FAM91A1: variants seen among roughly 807,000 people sequenced by gnomAD.
FAM91A1 encodes family with sequence similarity 91 member A1.
FAM91A1 carries 41 observed loss-of-function variants against 113.5 expected under a neutral mutation model. The observed-to-expected ratio is 0.36, with a 90% confidence interval of 0.28 to 0.47. The LOEUF (loss-of-function observed/expected upper bound fraction) is 0.47. FAM91A1 is among the 20% of genes least tolerant of loss of function. The pLI, the probability that FAM91A1 is intolerant of heterozygous loss-of-function variation, is 1.00. For missense variants in FAM91A1, 696 were observed against 1,001.2 expected (o/e 0.70, Z 4.11); for synonymous variants, 307 against 347.9 (o/e 0.88, Z 1.31).
chr8:123,787,563 T>A lies in FAM91A1; in HGVS notation c.1192-101T>A, dbSNP rs915699081. ...GAATTAGCCCCTCACCCCCCAATCCTTAAGTTTAAATATATTTGAAAGGAT... is the reference window on the plus strand; with the variant it reads ...GAATTAGCCCCTCACCCCCCAATCCATAAGTTTAAATATATTTGAAAGGAT... On this transcript the variant is annotated intron_variant, in intron 13 of 23. Coordinates refer to ENST00000334705, the MANE Select transcript of FAM91A1 (RefSeq NM_144963.4). The A allele has an allele frequency of 2.9e-5, 33 of 1,135,184 alleles. No individual in the cohort carries two copies. In the Admixed American group the frequency reaches 8.8e-4, roughly 30 times the overall value. The allele number at this position is 1,135,184 out of a possible 1,614,324, so 70.3% of individuals were successfully genotyped here.
chr8:123,792,460 T>C (rs1815407367), intron 15 of FAM91A1, among the ~76,000 whole-genome samples: 1 of 152,186 alleles, frequency 6.6e-6, no homozygotes, highest in Non-Finnish European at 1.5e-5. Context: ...TTTCTAAGCA[T>C]GATTTTTTTC....
chr8:123,777,177 G>A (rs7012004), intron 3 of FAM91A1, 88 bp from the exon 4 acceptor site: 161,947 of 899,436 alleles, frequency 0.18, 15,986 homozygotes, highest in East Asian at 0.32. Flanking sequence ...AATAATCATT[G>A]TTATTGGCTG....
intron 8 of FAM91A1, 50 bp downstream of exon 8, chr8:123,780,592 C>G (rs368578349): frequency 7.0e-7 from 1 of 1,428,776 alleles, no homozygotes; most frequent in African/African-American, 1.4e-5. Flanking sequence ...ATATCAGGTG[C>G]TAAGCATTGC....
chr8:123,788,186 C>G (rs1464303027), intron 14 of FAM91A1: 1 of 985,186 alleles, frequency 1.0e-6, no homozygotes, highest in Non-Finnish European at 1.2e-6. Context: ...TGTCCGCTCT[C>G]ACTATCCCTT....
At chr8:123,801,057 C>T (rs1815665781) in intron 18 of FAM91A1, among the ~76,000 whole-genome samples, 1 of 152,132 alleles carries the variant, frequency 6.6e-6, no homozygotes, top group South Asian at 2.1e-4. Flanking sequence ...GATGGAATTA[C>T]TGGGTCATAT....
In FAM91A1 at chr8:123,768,470, G is replaced by C. The variant is rs1814754054; in HGVS notation, c.-233G>C. On this transcript the variant is annotated 5_prime_UTR_variant, in exon 1 of 24. Transcript: ENST00000334705. ...ATTTCCGGCGGCCCGAAACTAGGAA[G>C]AAACTTGGAGCTGTTCAGGCGATCC... The C allele has an allele frequency of 2.3e-6, 1 of 443,590 alleles. No homozygotes were observed. The allele number at this position is 443,590 out of a possible 1,614,324, so 27.5% of individuals were successfully genotyped here. A position where few individuals can be genotyped will look rare whatever the true frequency, so the allele number is the denominator to read the frequency against.
chr8:123,809,547 C>T (rs1815899244), intron 22 of FAM91A1, among the ~76,000 whole-genome samples: 1 of 152,170 alleles, frequency 6.6e-6, no homozygotes, highest in African/African-American at 2.4e-5. Flanking sequence ...TGAGTAGCTG[C>T]TAAGAGGCAA....
intron 16 of FAM91A1, among the ~76,000 whole-genome samples, chr8:123,799,090 G>T (rs1318243919): frequency 6.6e-6 from 1 of 152,210 alleles, no homozygotes; most frequent in Non-Finnish European, 1.5e-5. Context: ...AAAATTGTAT[G>T]TGATTAATGA....
rs200412606 is a variant in FAM91A1 at position 123,789,841 on chromosome 8, C to T, written c.1411+96C>T. The T allele has an allele frequency of 8.2e-5, 114 of 1,398,286 alleles. No homozygotes were observed. The East Asian group carries it at 1.0e-3, about 13-fold the overall frequency. 86.6% of individuals were successfully genotyped at this position (1,398,286 alleles called of 1,614,324 possible). A position where few individuals can be genotyped will look rare whatever the true frequency, so the allele number is the denominator to read the frequency against. ...TGCTCACTTATATAATCATCACTTA[C>T]GTATTTTGTGTAGATAGCATATTGA... On this transcript the variant is annotated intron_variant, in intron 15 of 23. Transcript: ENST00000334705.
At position 123,776,546 on chromosome 8, in the gene FAM91A1, C is replaced by T. The variant is rs183042584; in HGVS notation, c.310-719C>T. Among the ~76,000 whole-genome samples the T allele has an allele frequency of 1.5e-3, 231 of 152,308 alleles. 1 individual carries two copies. The highest frequency in any genetic ancestry group is 2.8e-3 in the Non-Finnish European group (192 of 68,026). On this transcript the variant is annotated intron_variant, in intron 3 of 23. Transcript: ENST00000334705. The stretch of plus-strand genomic sequence containing the variant: ...CAGGGTAGCATAATGAAGGTGGCAG[C>T]TAATCAGGAAGTAGAATAGTTACTG...
Position 123,814,901 on chromosome 8 carries a change from A to G in FAM91A1, c.*2197A>G, listed in dbSNP as rs748128478. 6 of 152,654 alleles carry G rather than the reference A, an allele frequency of 3.9e-5. No homozygotes were observed. The highest frequency in any genetic ancestry group is 1.4e-4 in the African/African-American group (6 of 41,462). The allele number at this position is 152,654 out of a possible 1,614,324, so 9.5% of individuals were successfully genotyped here. A position where few individuals can be genotyped will look rare whatever the true frequency, so the allele number is the denominator to read the frequency against. On this transcript the variant is annotated 3_prime_UTR_variant, in exon 24 of 24. Coordinates refer to ENST00000334705, the MANE Select transcript of FAM91A1 (RefSeq NM_144963.4). ...TGTTATTTGCCAAAGAAGATTCATG[A>G]AAAATTTACGTCCAATTATTTTGCA...
At chr8:123,793,640 AAGCAAT>A (rs1815438752) in intron 15 of FAM91A1, among the ~76,000 whole-genome samples, 1 of 152,160 alleles carries the variant, frequency 6.6e-6, no homozygotes, top group Non-Finnish European at 1.5e-5. Flanking sequence ...CTTTCTGGCC[AAGCAAT>A]AGCATCTTAT....
At chr8:123,810,747 C>A in intron 23 of FAM91A1, 1 of 198,838 alleles carries the variant, frequency 5.0e-6, no homozygotes. Flanking sequence ...TCCCCCATCC[C>A]CAAGGAAAGA....
In FAM91A1 at chr8:123,806,071, T is replaced by C; in HGVS notation, c.1883-9T>C. On this transcript the variant is annotated splice_polypyrimidine_tract_variant and intron_variant, in intron 19 of 23. Transcript: ENST00000334705. Reference sequence around the variant, plus strand: ...CTGTTCATTAATGTGATGTCCGTTCTGTTTGTAGAGTTCACTCGTGTCAAT... The same window carrying C: ...CTGTTCATTAATGTGATGTCCGTTCCGTTTGTAGAGTTCACTCGTGTCAAT... The C allele has an allele frequency of 6.4e-7, 1 of 1,559,644 alleles. No individual in the cohort carries two copies. The highest frequency in any genetic ancestry group is 8.7e-7 in the Non-Finnish European group (1 of 1,148,246).
chr8:123,782,632 C>G (rs1188889254), intron 8 of FAM91A1, among the ~76,000 whole-genome samples: 2 of 152,128 alleles, frequency 1.3e-5, no homozygotes, highest in Non-Finnish European at 2.9e-5. Flanking sequence ...TCTGAAAATT[C>G]TTGAGAACTT....
At chr8:123,805,147 A>G in intron 18 of FAM91A1, 120 bp from the exon 19 acceptor site, 2 of 715,168 alleles carry the variant, frequency 2.8e-6, no homozygotes, top group Non-Finnish European at 4.6e-6. Context: ...TGTTGAAAGA[A>G]TTTTGATGAG....
chr8:123,808,901 A>G lies in FAM91A1; in HGVS notation c.2146A>G (p.Thr716Ala). ...SATKQTSGAT[T>A]EADWVPLELC... ...TATGTATCCTTTCTTAGGTGCCACAACAGAAGCAGATTGGGTTCCTCTCGA... is the reference window on the plus strand; with the variant it reads ...TATGTATCCTTTCTTAGGTGCCACAGCAGAAGCAGATTGGGTTCCTCTCGA... The change falls in exon 22 of 24, where the codon ACA becomes GCA. Residue 716 changes from threonine to alanine, a missense_variant. By Grantham distance (58) the Thr-to-Ala change is moderately conservative. Transcript: ENST00000334705. 1.2e-6 allele frequency: 2 copies of G among 1,610,206 alleles called. No individual in the cohort carries two copies. The highest frequency in any genetic ancestry group is 1.7e-6 in the Non-Finnish European group (2 of 1,178,450).
At chr8:123,804,424 G>A (rs1433785139) in intron 18 of FAM91A1, among the ~76,000 whole-genome samples, 2 of 148,482 alleles carry the variant, frequency 1.3e-5, no homozygotes, top group Non-Finnish European at 3.0e-5. Context: ...CTGGGAGGTG[G>A]AGATTGCAGT....
intron 13 of FAM91A1, 61 bp downstream of exon 13, chr8:123,787,434 T>A: frequency 2.4e-6 from 3 of 1,260,786 alleles, no homozygotes; most frequent in Non-Finnish European, 3.4e-6. Context: ...TATAAAATAA[T>A]TTAATGCTTT....
Sources: allele counts gnomAD v4.1 joint callset (sites outside exome capture counted in the v4.1 genomes callset), GRCh38; gene constraint gnomAD v4.1.1; transcripts MANE v1.5; gene names NCBI Gene and HGNC (gene_info 2026-07-23, HGNC 2026-07-21).